Variants in DNAJB4 observed in about 807,000 individuals in gnomAD.
DNAJB4 encodes dnaJ homolog subfamily B member 4.
A neutral mutation model predicts 26.6 loss-of-function variants in DNAJB4; 10 were observed. The observed-to-expected ratio is 0.38, with a 90% CI of 0.23 to 0.64. The LOEUF is 0.64. Among genes scored for constraint, DNAJB4 ranks in the 30% least tolerant of loss-of-function variants. The probability of loss-of-function intolerance (pLI) is 0.58; values close to 1 mark genes in which losing one functional copy is unlikely to be tolerated. For synonymous variants in DNAJB4, 136 were observed against 134.8 expected, an observed-to-expected ratio of 1.01 and a Z score of -0.06; for missense variants, 328 against 408.2, an observed-to-expected ratio of 0.80 and a Z score of 1.69.
intron 1 of DNAJB4, among the ~76,000 whole-genome samples, chr1:77,987,797 A>G (rs944590024): frequency 2.6e-4 from 39 of 151,906 alleles, no homozygotes; most frequent in African/African-American, 9.2e-4. Flanking sequence ...TCATGGTCCA[A>G]ACCACCTGAA....
upstream of DNAJB4, chr1:78,004,761 T>A: frequency 4.7e-6 from 1 of 214,722 alleles, no homozygotes; most frequent in Non-Finnish European, 9.3e-6. Context: ...AATGAATAGT[T>A]AATCGTGGAG....
chr1:77,992,412 CAAA>C (rs67649336), intron 1 of DNAJB4, among the ~76,000 whole-genome samples: 1 of 47,742 alleles, frequency 2.1e-5, no homozygotes, highest in African/African-American at 8.2e-5. Flanking sequence ...GACTCCGTCT[CAAA>C]AAAAAAAAAA....
chr1:77,995,231 A>G (rs1469907287), intron 1 of DNAJB4, among the ~76,000 whole-genome samples: 1 of 152,254 alleles, frequency 6.6e-6, no homozygotes, highest in Non-Finnish European at 1.5e-5. Flanking sequence ...AATAAAATAC[A>G]TTATTAAAAT....
At chr1:77,999,255 A>T (rs1000674742) in intron 1 of DNAJB4, among the ~76,000 whole-genome samples, 3 of 152,238 alleles carry the variant, frequency 2.0e-5, no homozygotes, top group Admixed American at 6.5e-5. Flanking sequence ...ATATTGGAAC[A>T]GTGTATGTTT....
At chr1:77,983,413 C>T (rs1659714686) in intron 1 of DNAJB4, among the ~76,000 whole-genome samples, 1 of 152,202 alleles carries the variant, frequency 6.6e-6, no homozygotes. Context: ...TCAGCACAGA[C>T]CCTTTACGGG....
At chr1:77,992,666 T>C (rs1659961676) in intron 1 of DNAJB4, 1 of 152,138 alleles carries the variant, frequency 6.6e-6, no homozygotes, top group Non-Finnish European at 1.5e-5. Flanking sequence ...TTAGCAGTCA[T>C]GTCCAGGTTG....
intron 1 of DNAJB4, among the ~76,000 whole-genome samples, chr1:77,998,865 G>A (rs1011190219): frequency 2.7e-5 from 3 of 112,164 alleles, no homozygotes; most frequent in African/African-American, 8.7e-5. Flanking sequence ...TAAATAAATA[G>A]ATTTTATGGG....
chr1:77,987,751 A>G (rs968000576), intron 1 of DNAJB4, among the ~76,000 whole-genome samples: 4 of 152,088 alleles, frequency 2.6e-5, no homozygotes, highest in Non-Finnish European at 5.9e-5. Flanking sequence ...AGATATATCC[A>G]GAAGTTCACC....
intron 1 of DNAJB4, among the ~76,000 whole-genome samples, chr1:77,993,067 GC>G (rs942973302): frequency 5.3e-5 from 8 of 152,072 alleles, no homozygotes; most frequent in Non-Finnish European, 7.4e-5. Flanking sequence ...TTTAAAGTTT[GC>G]CAGATGCAAT....
At chr1:78,001,150 G>A (rs1353603547), upstream of DNAJB4, among the ~76,000 whole-genome samples, 4 of 152,022 alleles carry the variant, frequency 2.6e-5, no homozygotes, top group South Asian at 8.3e-4. Flanking sequence ...TTGGAGACTA[G>A]CCTGGGCAAC....
chr1:78,014,424 C>G (rs1660579395), intron 2 of DNAJB4, among the ~76,000 whole-genome samples: 1 of 151,776 alleles, frequency 6.6e-6, no homozygotes, highest in South Asian at 2.1e-4. Context: ...TACTATTTCT[C>G]AAATTGGATT....
intron 1 of DNAJB4, among the ~76,000 whole-genome samples, chr1:78,008,605 A>G (rs1382805645): frequency 6.6e-6 from 1 of 152,230 alleles, no homozygotes; most frequent in Non-Finnish European, 1.5e-5. Context: ...ATTAGCTACA[A>G]ATAAGAACTA....
At chr1:77,988,828 A>G (rs1459998365) in intron 1 of DNAJB4, among the ~76,000 whole-genome samples, 2 of 152,202 alleles carry the variant, frequency 1.3e-5, no homozygotes, top group Non-Finnish European at 2.9e-5. Context: ...ATGTACAGAG[A>G]ATGAGGCAGG....
At chr1:77,993,747 CA>C (rs1258000677) in intron 1 of DNAJB4, among the ~76,000 whole-genome samples, 1 of 152,118 alleles carries the variant, frequency 6.6e-6, no homozygotes, top group Non-Finnish European at 1.5e-5. Context: ...ACCTAGATAA[CA>C]AAAAGTTTAT....
At chr1:78,008,892 T>G (rs1660396535) in intron 1 of DNAJB4, among the ~76,000 whole-genome samples, 1 of 152,148 alleles carries the variant, frequency 6.6e-6, no homozygotes, top group Non-Finnish European at 1.5e-5. Flanking sequence ...AAATTTGTGT[T>G]AAGAGATTTA....
At chr1:77,988,260 C>A (rs1659847792) in intron 1 of DNAJB4, among the ~76,000 whole-genome samples, 1 of 152,056 alleles carries the variant, frequency 6.6e-6, no homozygotes, top group Non-Finnish European at 1.5e-5. Context: ...TGGCCTCAAG[C>A]TATCCTCCTG....
chr1:77,996,753 CAAT>C (rs1383108416), intron 1 of DNAJB4, among the ~76,000 whole-genome samples: 1 of 152,120 alleles, frequency 6.6e-6, no homozygotes, highest in Non-Finnish European at 1.5e-5. Context: ...ATGATACAGA[CAAT>C]AGTCCACAGA....
intron 1 of DNAJB4, among the ~76,000 whole-genome samples, chr1:77,997,353 C>A (rs1379799867): frequency 1.4e-5 from 2 of 148,134 alleles, no homozygotes; most frequent in Non-Finnish European, 3.0e-5. Context: ...ATATCTATAT[C>A]TATATATCTA....
chr1:78,001,513 ATCT>A (rs1165618125), upstream of DNAJB4, among the ~76,000 whole-genome samples: 1 of 152,164 alleles, frequency 6.6e-6, no homozygotes, highest in Non-Finnish European at 1.5e-5. Context: ...ATGGCATTTT[ATCT>A]TCTTCTGTAC....
Sources: gnomAD v4.1 joint callset for allele counts (sites outside exome capture counted in the v4.1 genomes callset) on GRCh38, gnomAD v4.1.1 for gene constraint, MANE v1.5 for transcripts, NCBI Gene and HGNC (gene_info 2026-07-23, HGNC 2026-07-21) for gene names.